WWOX: variants seen among roughly 807,000 people sequenced by gnomAD.
WWOX encodes the protein WW domain containing oxidoreductase.
Under a neutral mutation model 46.2 loss-of-function variants are expected in WWOX, and 69 were observed. The observed-to-expected ratio is 1.49, with a 90% CI of 1.23 to 1.82. The LOEUF is 1.82. WWOX is among the 40% of genes most tolerant of loss of function. WWOX has a pLI of 0.00. For missense variants in WWOX, 919 were observed against 542.6 expected, an observed-to-expected ratio of 1.69 and a Z score of -6.89; for synonymous variants, 359 against 202.6, an observed-to-expected ratio of 1.77 and a Z score of -6.56.
intron 8 of WWOX, among the ~76,000 whole-genome samples, chr16:78,843,021 C>T (rs1239953953): frequency 1.3e-5 from 2 of 149,910 alleles, no homozygotes; most frequent in Non-Finnish European, 1.5e-5. Context: ...ACAGGGCTGG[C>T]TATTTTACTT....
intron 8 of WWOX, among the ~76,000 whole-genome samples, chr16:79,011,920 C>T (rs2047318896): frequency 6.6e-6 from 1 of 152,204 alleles, no homozygotes; most frequent in Admixed American, 6.6e-5. Flanking sequence ...TCCTGAGTCA[C>T]TGGAATTTCA....
At chr16:79,091,323 A>T (rs2048955797) in intron 8 of WWOX, among the ~76,000 whole-genome samples, 2 of 151,806 alleles carry the variant, frequency 1.3e-5, no homozygotes, top group Admixed American at 1.3e-4. Context: ...TGCTGATCCC[A>T]GTGCATGAAA....
chr16:79,074,561 T>C (rs1295194854), intron 8 of WWOX, among the ~76,000 whole-genome samples: 1 of 151,876 alleles, frequency 6.6e-6, no homozygotes, highest in Non-Finnish European at 1.5e-5. Context: ...ACACTCCTAC[T>C]TGGAAATGGA....
Position 78,382,436 on chromosome 16 carries a change from C to G in WWOX, c.517-4424C>G, listed in dbSNP as rs139040471. On this transcript the variant is annotated intron_variant, in intron 5 of 8. Coordinates refer to ENST00000566780, the MANE Select transcript of WWOX (RefSeq NM_016373.4). The stretch of plus-strand genomic sequence containing the variant: ...GCCACGGTGAGCTGGGCCCACTGAC[C>G]TACAATGAGTGTGAAGTGTGAGCAA... Among the ~76,000 whole-genome samples the G allele has an allele frequency of 2.1e-3, 323 of 152,318 alleles. 2 individuals are homozygous for G. The highest frequency in any genetic ancestry group is 7.5e-3 in the African/African-American group (311 of 41,556).
At chr16:78,397,260 G>T (rs1016212546) in intron 6 of WWOX, among the ~76,000 whole-genome samples, 1 of 151,258 alleles carries the variant, frequency 6.6e-6, no homozygotes, top group Non-Finnish European at 1.5e-5. Context: ...ATACTGAAGC[G>T]CTAATTGGAG....
At chr16:78,283,126 G>A (rs1190606481) in intron 5 of WWOX, among the ~76,000 whole-genome samples, 1 of 152,114 alleles carries the variant, frequency 6.6e-6, no homozygotes, top group Non-Finnish European at 1.5e-5. Context: ...TGAGATACTA[G>A]CTAATTCTTA....
chr16:78,321,398 ATATACGTATATATATATGTGTG>A (rs2080477982), intron 5 of WWOX, among the ~76,000 whole-genome samples: 1 of 117,110 alleles, frequency 8.5e-6, no homozygotes, highest in Non-Finnish European at 1.8e-5. Context: ...ATATACGTAT[ATATACGTATATATATATGTGTG>A]TATATATATA....
At chr16:79,108,058 C>G (rs1250044890) in intron 8 of WWOX, among the ~76,000 whole-genome samples, 1 of 152,180 alleles carries the variant, frequency 6.6e-6, no homozygotes, top group African/African-American at 2.4e-5. Context: ...TTTACATTTT[C>G]TCCTTGATTG....
rs142762593 is a variant in WWOX at position 78,395,335 on chromosome 16, T to C, written c.605+8387T>C. On this transcript the variant is annotated intron_variant, in intron 6 of 8. Transcript: ENST00000566780. ...GGAGTTTGAGACCAGCCTCGGTAAT[T>C]TGGCAAAACCTTGTCTCTACAAAAA... Among the ~76,000 whole-genome samples, 280 of 152,136 alleles carry C rather than the reference T, an allele frequency of 1.8e-3. 1 individual carries two copies. The highest frequency in any genetic ancestry group is 6.3e-3 in the African/African-American group (263 of 41,500).
At chr16:78,675,847 A>G in intron 8 of WWOX, among the ~76,000 whole-genome samples, 1 of 152,156 alleles carries the variant, frequency 6.6e-6, no homozygotes, top group East Asian at 1.9e-4. Context: ...ATATTTTTTT[A>G]AATCATGACT....
chr16:79,173,825 G>C (rs979925191), intron 8 of WWOX, among the ~76,000 whole-genome samples: 5 of 151,374 alleles, frequency 3.3e-5, no homozygotes, highest in African/African-American at 7.4e-5. Flanking sequence ...CAAAATGAGA[G>C]ATACTCTCTG....
intron 8 of WWOX, among the ~76,000 whole-genome samples, chr16:78,996,872 C>G (rs1021355869): frequency 2.0e-5 from 3 of 152,226 alleles, no homozygotes; most frequent in Non-Finnish European, 2.9e-5. Flanking sequence ...GCCATAAATG[C>G]TGCAGAGCTG....
chr16:78,715,725 C>G (rs925242075), intron 8 of WWOX, among the ~76,000 whole-genome samples: 1 of 152,230 alleles, frequency 6.6e-6, no homozygotes, highest in Non-Finnish European at 1.5e-5. Context: ...GGTCTATCCA[C>G]CTTGGCCTCC....
At chr16:78,540,014 T>TCACACACACA (rs1489472379) in intron 8 of WWOX, among the ~76,000 whole-genome samples, 14 of 127,486 alleles carry the variant, frequency 1.1e-4, no homozygotes, top group African/African-American at 3.4e-4. Context: ...TCTCTCTCTC[T>TCACACACACA]CTCTCTCACA....
chr16:78,452,224 T>A (rs11150080), intron 8 of WWOX, among the ~76,000 whole-genome samples: 21,152 of 152,158 alleles, frequency 0.14, 1,886 homozygotes, highest in East Asian at 0.31. Flanking sequence ...TCCGCACTCA[T>A]AAAAAGAGAT....
intron 8 of WWOX, among the ~76,000 whole-genome samples, chr16:78,449,119 G>C (rs907940937): frequency 3.9e-5 from 6 of 152,176 alleles, no homozygotes; most frequent in African/African-American, 1.4e-4. Flanking sequence ...CCACGTGCTT[G>C]CTGGTAGGAC....
At chr16:78,434,800 T>C (rs375899042) in intron 8 of WWOX, among the ~76,000 whole-genome samples, 60 of 152,260 alleles carry the variant, frequency 3.9e-4, no homozygotes, top group African/African-American at 1.4e-3. Context: ...CCATTTGTTG[T>C]AGACTCGAAT....
rs182159079 is a variant in WWOX at position 78,581,428 on chromosome 16, G to T, written c.1056+148676G>T. ...GGGTTGGAAAAACTAACAGGAACTGGTTTTATTTTAATTGAGTTTTAAAGC... is the reference window on the plus strand; with the variant it reads ...GGGTTGGAAAAACTAACAGGAACTGTTTTTATTTTAATTGAGTTTTAAAGC... On this transcript the variant is annotated intron_variant, in intron 8 of 8. Coordinates refer to ENST00000566780, the MANE Select transcript of WWOX (RefSeq NM_016373.4). Among the ~76,000 whole-genome samples, 239 of 152,220 alleles carry T rather than the reference G, an allele frequency of 1.6e-3. 1 individual carries two copies. The highest frequency in any genetic ancestry group is 5.3e-3 in the African/African-American group (220 of 41,548).
chr16:79,037,042 G>T (rs966229011), intron 8 of WWOX, among the ~76,000 whole-genome samples: 3 of 152,158 alleles, frequency 2.0e-5, no homozygotes, highest in Non-Finnish European at 4.4e-5. Flanking sequence ...TGCTTCTCAG[G>T]CACTCTGTTA....
Sources: gnomAD v4.1 joint callset for allele counts (sites outside exome capture counted in the v4.1 genomes callset) on GRCh38, gnomAD v4.1.1 for gene constraint, MANE v1.5 for transcripts, NCBI Gene and HGNC (gene_info 2026-07-23, HGNC 2026-07-21) for gene names.